Variants in ANKFN1 observed in about 807,000 individuals in gnomAD.
The protein encoded by ANKFN1 is ankyrin repeat and fibronectin type III domain containing 1, also known as ankyrin repeat and fibronectin type-III domain-containing protein 1.
In ANKFN1, 74 loss-of-function variants were observed where a neutral mutation model predicts 108.7. The ratio of observed to expected loss-of-function variants is 0.68; its 90% CI spans 0.56 to 0.83. The LOEUF (loss-of-function observed/expected upper bound fraction) is 0.83. Among genes scored for constraint, ANKFN1 ranks in the 40% least tolerant of loss-of-function variants. The probability of loss-of-function intolerance (pLI) is 0.00; values close to 1 mark genes in which losing one functional copy is unlikely to be tolerated. For missense variants in ANKFN1, 1,505 were observed against 1,382.3 expected (o/e 1.09, Z -1.41); for synonymous variants, 547 against 516.2 (o/e 1.06, Z -0.81).
intron 4 of ANKFN1, among the ~76,000 whole-genome samples, chr17:56,056,609 C>G (rs1369041249): frequency 6.6e-6 from 1 of 152,142 alleles, no homozygotes; most frequent in Admixed American, 6.5e-5. Flanking sequence ...GCTGGGAAAA[C>G]TGGCTAGACA....
intron 3 of ANKFN1, among the ~76,000 whole-genome samples, chr17:56,260,377 C>T (rs1009674504): frequency 6.6e-6 from 1 of 152,106 alleles, no homozygotes; most frequent in Non-Finnish European, 1.5e-5. Flanking sequence ...CTTGGAATTG[C>T]CTTTTCTAAT....
At chr17:56,194,674 T>C (rs1913334602) in intron 1 of ANKFN1, among the ~76,000 whole-genome samples, 1 of 152,192 alleles carries the variant, frequency 6.6e-6, no homozygotes, top group Non-Finnish European at 1.5e-5. Flanking sequence ...GGATACACAT[T>C]AATACATGTG....
chr17:56,440,726 T>C (rs2049075355), intron 9 of ANKFN1, among the ~76,000 whole-genome samples: 1 of 151,958 alleles, frequency 6.6e-6, no homozygotes, highest in Non-Finnish European at 1.5e-5. Context: ...AAGCAGGGAG[T>C]GGATCAAAGG....
chr17:56,206,668 G>C (rs919637647), intron 1 of ANKFN1: 1 of 152,136 alleles, frequency 6.6e-6, no homozygotes, highest in Non-Finnish European at 1.5e-5. Flanking sequence ...TTCGTGACCT[G>C]GGAGCATAAA....
At chr17:56,082,554 T>C (rs949609761) in intron 4 of ANKFN1, among the ~76,000 whole-genome samples, 2 of 152,150 alleles carry the variant, frequency 1.3e-5, no homozygotes, top group Non-Finnish European at 2.9e-5. Context: ...GGAGAGGACA[T>C]TGATTGATTT....
In ANKFN1 at chr17:56,340,265, G is replaced by A. The variant is rs574080012; in HGVS notation, c.189-10501G>A. ...TTTTTCTGTAAGTTGTCTGTTTACT[G>A]TGTTGATAGTTTCTTTTGCTGTGCA... is the stretch of plus-strand genomic sequence containing the variant. On this transcript the variant is annotated intron_variant, in intron 4 of 20. Transcript: ENST00000682825. 2.6e-5 allele frequency among the ~76,000 whole-genome samples: 4 copies of A among 152,090 alleles called. No homozygotes were observed. The East Asian group carries it at 7.7e-4, about 29-fold the overall frequency.
intron 3 of ANKFN1, among the ~76,000 whole-genome samples, chr17:56,257,675 C>T (rs1407752228): frequency 6.6e-6 from 1 of 152,176 alleles, no homozygotes; most frequent in Non-Finnish European, 1.5e-5. Context: ...AGCCTTCATC[C>T]AGGTGTTTAG....
At chr17:56,390,818 T>A (rs1185737037) in intron 8 of ANKFN1, among the ~76,000 whole-genome samples, 1 of 152,176 alleles carries the variant, frequency 6.6e-6, no homozygotes, top group Admixed American at 6.5e-5. Flanking sequence ...CTTTTTTTCA[T>A]ATGTTCGTTG....
At chr17:56,106,115 A>G (rs2143235347) in intron 4 of ANKFN1, among the ~76,000 whole-genome samples, 1 of 152,198 alleles carries the variant, frequency 6.6e-6, no homozygotes, top group African/African-American at 2.4e-5. Context: ...AAATACTATA[A>G]TATATATTCA....
chr17:56,510,433 A>G (rs768632399), intron 20 of ANKFN1, 40 bp from the exon 21 acceptor site: 5 of 1,504,542 alleles, frequency 3.3e-6, no homozygotes, highest in South Asian at 2.5e-5. Context: ...GGCTCTAGCT[A>G]AGACTATATT....
intron 20 of ANKFN1, among the ~76,000 whole-genome samples, chr17:56,504,984 T>A (rs768919520): frequency 5.3e-5 from 8 of 152,090 alleles, no homozygotes; most frequent in Non-Finnish European, 1.0e-4. Context: ...ACTTAAAGTA[T>A]CTTTGACAAA....
chr17:56,245,807 C>T (rs2144028720), intron 3 of ANKFN1: 2 of 152,170 alleles, frequency 1.3e-5, no homozygotes, highest in South Asian at 4.1e-4. Context: ...CCTTCAGGAG[C>T]CCTGCTGGTA....
At chr17:56,061,522 C>T (rs1297549627) in intron 4 of ANKFN1, among the ~76,000 whole-genome samples, 1 of 152,056 alleles carries the variant, frequency 6.6e-6, no homozygotes, top group African/African-American at 2.4e-5. Context: ...ATCTGCCCAC[C>T]TTGGCCTCCC....
chr17:56,263,286 G>A (rs954182434), intron 3 of ANKFN1, among the ~76,000 whole-genome samples: 1 of 152,184 alleles, frequency 6.6e-6, no homozygotes, highest in Non-Finnish European at 1.5e-5. Flanking sequence ...TTAGGGAGCA[G>A]GCTAATTATA....
At chr17:56,297,891 A>C (rs889730690) in intron 3 of ANKFN1, among the ~76,000 whole-genome samples, 1 of 152,234 alleles carries the variant, frequency 6.6e-6, no homozygotes, top group Non-Finnish European at 1.5e-5. Flanking sequence ...ATGTAATAAA[A>C]CATTTTGCAA....
intron 4 of ANKFN1, among the ~76,000 whole-genome samples, chr17:56,116,568 C>G (rs1172950459): frequency 6.6e-6 from 1 of 152,052 alleles, no homozygotes; most frequent in Non-Finnish European, 1.5e-5. Flanking sequence ...TTGAAAAAAG[C>G]CTGGCACCTC....
chr17:56,247,189 G>A (rs1445494218), intron 3 of ANKFN1, among the ~76,000 whole-genome samples: 2 of 152,202 alleles, frequency 1.3e-5, no homozygotes, highest in African/African-American at 4.8e-5. Flanking sequence ...CATTGGCATT[G>A]CCGTGAAATC....
chr17:56,053,122 A>AG (rs1359589831), intron 4 of ANKFN1, among the ~76,000 whole-genome samples: 1 of 152,184 alleles, frequency 6.6e-6, no homozygotes, highest in Non-Finnish European at 1.5e-5. Context: ...TACTTTTTGT[A>AG]GGGGCTTTGA....
chr17:56,462,815 A>G (rs750660384), intron 14 of ANKFN1, among the ~76,000 whole-genome samples: 1 of 152,070 alleles, frequency 6.6e-6, no homozygotes, highest in African/African-American at 2.4e-5. Flanking sequence ...ACAGCCTCCA[A>G]TCCACTTTCC....
Sources: allele counts gnomAD v4.1 joint callset (sites outside exome capture counted in the v4.1 genomes callset), GRCh38; gene constraint gnomAD v4.1.1; transcripts MANE v1.5; gene names NCBI Gene and HGNC (gene_info 2026-07-23, HGNC 2026-07-21).